Variants in CDH8 observed in about 807,000 individuals in gnomAD.
CDH8 encodes the protein cadherin 8, also known as cadherin-8.
A neutral mutation model predicts 68.1 loss-of-function variants in CDH8; 17 were observed. The observed-to-expected ratio is 0.25, with a 90% CI of 0.17 to 0.37. The LOEUF is 0.37. CDH8 is among the 10% of genes least tolerant of loss of function. The pLI, the probability that CDH8 is intolerant of heterozygous loss-of-function variation, is 1.00. For synonymous variants in CDH8, 372 were observed against 365.1 expected (o/e 1.02, Z -0.21); for missense variants, 763 against 999.3 (o/e 0.76, Z 3.19).
intron 2 of CDH8, among the ~76,000 whole-genome samples, chr16:61,983,486 C>T (rs990312076): frequency 7.9e-5 from 12 of 152,280 alleles, no homozygotes; most frequent in African/African-American, 2.6e-4. Context: ...GATATAGTTA[C>T]AGCCTAAATT....
chr16:61,710,170 C>T (rs185273003), intron 10 of CDH8, among the ~76,000 whole-genome samples: 1 of 152,222 alleles, frequency 6.6e-6, no homozygotes, highest in Non-Finnish European at 1.5e-5. Flanking sequence ...ACATATCCAT[C>T]ACAGCACAAC....
rs530921333 is a variant in CDH8 at position 61,696,955 on chromosome 16, G to C, written c.1654+16886C>G. ...GGGACCACTCGGGGGAGGAAGAGGA[G>C]GCAGCAAGGGTTGAAAAACTACCTC... is the stretch of plus-strand genomic sequence containing the variant. On this transcript the variant is annotated intron_variant, in intron 10 of 11. Coordinates refer to ENST00000577390, the MANE Select transcript of CDH8 (RefSeq NM_001796.5). 2.0e-5 allele frequency among the ~76,000 whole-genome samples: 3 copies of C among 152,194 alleles called. No homozygotes were observed. The South Asian group carries it at 6.2e-4, about 32-fold the overall frequency.
At chr16:61,813,492 T>C (rs1002532028) in intron 7 of CDH8, among the ~76,000 whole-genome samples, 2 of 152,186 alleles carry the variant, frequency 1.3e-5, no homozygotes, top group African/African-American at 2.4e-5. Flanking sequence ...TTACATCAGA[T>C]GCTCTTGTGC....
intron 3 of CDH8, among the ~76,000 whole-genome samples, chr16:61,858,959 A>T (rs565731755): frequency 8.5e-5 from 13 of 152,260 alleles, no homozygotes; most frequent in African/African-American, 3.1e-4. Context: ...CTAGGGGAAA[A>T]GCAGCATACC....
At chr16:61,958,825 T>G (rs1315809794) in intron 2 of CDH8, among the ~76,000 whole-genome samples, 1 of 152,154 alleles carries the variant, frequency 6.6e-6, no homozygotes, top group East Asian at 1.9e-4. Context: ...CAGAGACAAT[T>G]TCCTTCTCTA....
intron 4 of CDH8, among the ~76,000 whole-genome samples, chr16:61,851,105 C>T (rs1597017235): frequency 6.6e-6 from 1 of 152,000 alleles, no homozygotes; most frequent in Admixed American, 6.6e-5. Flanking sequence ...TCTATGCAAT[C>T]CTGATTAAAA....
At chr16:61,658,138 T>C (rs1251598815) in intron 10 of CDH8, among the ~76,000 whole-genome samples, 1 of 152,054 alleles carries the variant, frequency 6.6e-6, no homozygotes, top group Non-Finnish European at 1.5e-5. Flanking sequence ...GTTTTCAATT[T>C]ACTTGAGTTC....
At chr16:61,818,729 A>G (rs1048819611) in intron 6 of CDH8, among the ~76,000 whole-genome samples, 2 of 152,214 alleles carry the variant, frequency 1.3e-5, no homozygotes, top group Non-Finnish European at 2.9e-5. Context: ...GTCGAGGTTC[A>G]AAGAGACAGT....
At chr16:61,951,009 T>G (rs1964888265) in intron 2 of CDH8, among the ~76,000 whole-genome samples, 1 of 152,054 alleles carries the variant, frequency 6.6e-6, no homozygotes, top group Middle Eastern at 3.2e-3. Flanking sequence ...AGTTTACTTA[T>G]GTAACAAACC....
At chr16:61,689,196 A>G (rs942979815) in intron 10 of CDH8, among the ~76,000 whole-genome samples, 2 of 152,072 alleles carry the variant, frequency 1.3e-5, no homozygotes, top group East Asian at 3.9e-4. Flanking sequence ...TACACAAAAC[A>G]AGATTCTACA....
At chr16:61,696,886 C>G in intron 10 of CDH8, among the ~76,000 whole-genome samples, 1 of 152,066 alleles carries the variant, frequency 6.6e-6, no homozygotes, top group Non-Finnish European at 1.5e-5. Flanking sequence ...AGTAGCTAAA[C>G]AGTGAAGTAC....
intron 10 of CDH8, among the ~76,000 whole-genome samples, chr16:61,678,633 C>A (rs371283492): frequency 6.6e-6 from 1 of 151,894 alleles, no homozygotes; most frequent in African/African-American, 2.4e-5. Context: ...ACCCATCAAC[C>A]AAAAGAACAA....
In CDH8 at chr16:61,647,703, T is replaced by C. The variant is rs1567400326; in HGVS notation, c.*5905A>G. 1.5e-6 allele frequency: 1 copy of C among 665,124 alleles called. No individual in the cohort carries two copies. Among genetic ancestry groups the C allele is most frequent in the East Asian group, 2.7e-5 (1 of 36,738 alleles). The allele number at this position is 665,124 out of a possible 1,614,324, so 41.2% of individuals were successfully genotyped here. A position where few individuals can be genotyped will look rare whatever the true frequency, so the allele number is the denominator to read the frequency against. On this transcript the variant is annotated 3_prime_UTR_variant, in exon 12 of 12. Coordinates refer to ENST00000577390, the MANE Select transcript of CDH8 (RefSeq NM_001796.5). ...AAATTTTCCTCTTATTTTTGAGGAA[T>C]CATAGGATGGCCTGAAGTTCTTTGC... is the stretch of plus-strand genomic sequence containing the variant.
intron 2 of CDH8, among the ~76,000 whole-genome samples, chr16:61,982,921 C>T (rs1365047635): frequency 6.6e-6 from 1 of 152,092 alleles, no homozygotes; most frequent in Non-Finnish European, 1.5e-5. Flanking sequence ...TTATATACTG[C>T]CATAATAGTG....
chr16:61,877,114 A>C (rs1375202971), intron 3 of CDH8, among the ~76,000 whole-genome samples: 1 of 152,206 alleles, frequency 6.6e-6, no homozygotes, highest in African/African-American at 2.4e-5. Context: ...CTGTGTTACC[A>C]GCATGATGTT....
At chr16:61,694,530 T>C (rs1185468585) in intron 10 of CDH8, among the ~76,000 whole-genome samples, 1 of 151,990 alleles carries the variant, frequency 6.6e-6, no homozygotes, top group Non-Finnish European at 1.5e-5. Flanking sequence ...AGGGTTTGGT[T>C]ATATGAGGCT....
At chr16:61,667,916 C>T (rs186371164) in intron 10 of CDH8, among the ~76,000 whole-genome samples, 1 of 152,132 alleles carries the variant, frequency 6.6e-6, no homozygotes, top group East Asian at 1.9e-4. Flanking sequence ...TTTCTACACT[C>T]TGCCTTTGTC....
chr16:61,845,715 G>A (rs1443928515), intron 4 of CDH8, among the ~76,000 whole-genome samples: 1 of 151,954 alleles, frequency 6.6e-6, no homozygotes, highest in Non-Finnish European at 1.5e-5. Context: ...ATTGTAAAGT[G>A]AGTCTAGTAT....
intron 2 of CDH8, among the ~76,000 whole-genome samples, chr16:61,958,325 T>C (rs1415150140): frequency 6.6e-6 from 1 of 152,164 alleles, no homozygotes; most frequent in Admixed American, 6.5e-5. Flanking sequence ...TGTTCTTTGA[T>C]CTATTTGAAA....
Sources: gnomAD v4.1 joint callset for allele counts (sites outside exome capture counted in the v4.1 genomes callset) on GRCh38, gnomAD v4.1.1 for gene constraint, MANE v1.5 for transcripts, NCBI Gene and HGNC (gene_info 2026-07-23, HGNC 2026-07-21) for gene names.